Variants in GRIP2 observed in about 807,000 individuals in gnomAD.
The protein encoded by GRIP2 is glutamate receptor interacting protein 2.
GRIP2 carries 58 observed loss-of-function variants against 108.3 expected under a neutral mutation model. That is an observed-to-expected ratio of 0.54 (90% confidence interval 0.43 to 0.67). The LOEUF (loss-of-function observed/expected upper bound fraction) is 0.67, where lower values mean the gene tolerates loss of function less well. Among genes scored for constraint, GRIP2 ranks in the 30% least tolerant of loss-of-function variants. The pLI is 0.00. For missense variants in GRIP2, 1,278 were observed against 1,430.6 expected (o/e 0.89, Z 1.72); for synonymous variants, 586 against 598.2 (o/e 0.98, Z 0.30).
the GRIP2 span, among the ~76,000 whole-genome samples, chr3:14,586,195 T>A: frequency 6.6e-6 from 1 of 152,156 alleles, no homozygotes; most frequent in African/African-American, 2.4e-5. Flanking sequence ...TAGAAGGCCC[T>A]CCCTGACTAC....
At position 14,512,603 on chromosome 3, in the gene GRIP2, C is replaced by T. The variant is rs1043736987; in HGVS notation, c.1720+174G>A. On this transcript the variant is annotated intron_variant, in intron 14 of 23. Coordinates refer to ENST00000621039, the MANE Select transcript of GRIP2 (RefSeq NM_001080423.4). This position sits in a 1 kb window ranked among gnomAD's most constrained non-coding sequence, Gnocchi z 5.1. Reference sequence around the variant, plus strand: ...CTGAAGCTTTGGGAAGCTGGGGTCTCGCTGAGAACACGCAGCTGGGTCCAC... The same window carrying T: ...CTGAAGCTTTGGGAAGCTGGGGTCTTGCTGAGAACACGCAGCTGGGTCCAC... 6.6e-6 allele frequency among the ~76,000 whole-genome samples: 1 copy of T among 152,198 alleles called. No homozygotes were observed. Among genetic ancestry groups the T allele is most frequent in the East Asian group, 1.9e-4 (1 of 5,190 alleles).
intron 5 of GRIP2, 42 bp from the exon 6 acceptor site, chr3:14,523,117 C>A (rs781716564): frequency 1.3e-6 from 2 of 1,483,752 alleles, no homozygotes; most frequent in Non-Finnish European, 1.8e-6. Flanking sequence ...TCCACCCACC[C>A]CTTCCCATCC....
At chr3:14,544,764 C>T (rs574098934), upstream of GRIP2, among the ~76,000 whole-genome samples, 10 of 152,362 alleles carry the variant, frequency 6.6e-5, no homozygotes, top group Non-Finnish European at 1.0e-4. Flanking sequence ...TGTTGTTAAA[C>T]ATTTCAGCCA....
chr3:14,528,383 T>C (rs1694619611), intron 1 of GRIP2, among the ~76,000 whole-genome samples: 1 of 152,230 alleles, frequency 6.6e-6, no homozygotes, highest in African/African-American at 2.4e-5. Context: ...GAACATAAGT[T>C]TCTGTTTCAT....
the GRIP2 span, among the ~76,000 whole-genome samples, chr3:14,567,541 G>A: frequency 1.3e-5 from 2 of 152,272 alleles, no homozygotes; most frequent in East Asian, 3.9e-4. Context: ...CAGGGACAAG[G>A]AAAACCAGGG....
At chr3:14,506,701 C>G (rs1693936910) in intron 19 of GRIP2, 100 bp downstream of exon 19, 5 of 1,174,192 alleles carry the variant, frequency 4.3e-6, no homozygotes, top group Non-Finnish European at 5.8e-6. Context: ...GAGAGGAGCG[C>G]AGGAGGGAGG....
At chr3:14,598,147 G>A in the GRIP2 span, among the ~76,000 whole-genome samples, 1 of 150,854 alleles carries the variant, frequency 6.6e-6, no homozygotes, top group South Asian at 2.1e-4. Flanking sequence ...ACACACACAG[G>A]ACCTGGGGCA....
chr3:14,517,272 CAG>C, intron 10 of GRIP2, 59 bp from the exon 11 acceptor site: 2 of 1,471,912 alleles, frequency 1.4e-6, no homozygotes, highest in Non-Finnish European at 1.8e-6. Context: ...CCCCACCACA[CAG>C]TGGGTGCTGG....
At chr3:14,518,925 G>A (rs1694331140) in intron 9 of GRIP2, among the ~76,000 whole-genome samples, 1 of 152,234 alleles carries the variant, frequency 6.6e-6, no homozygotes, top group African/African-American at 2.4e-5. Context: ...GCTTAGAGCA[G>A]TGCCTGGCAC....
chr3:14,511,134 T>G lies in GRIP2; in HGVS notation c.1933+31A>C. Reference sequence around the variant, plus strand: ...ACCCGCTAGTCAAAGGGTGGGCCTCTGGAGGTAGGAGGCCAGCATGAGGGC... The same window carrying G: ...ACCCGCTAGTCAAAGGGTGGGCCTCGGGAGGTAGGAGGCCAGCATGAGGGC... On this transcript the variant is annotated intron_variant, in intron 16 of 23. Coordinates refer to ENST00000621039, the MANE Select transcript of GRIP2 (RefSeq NM_001080423.4). This position sits in a 1 kb window ranked among gnomAD's most constrained non-coding sequence, Gnocchi z 4.1. 6.2e-7 allele frequency: 1 copy of G among 1,611,476 alleles called. No individual in the cohort carries two copies. The highest frequency in any genetic ancestry group is 8.5e-7 in the Non-Finnish European group (1 of 1,178,562).
At chr3:14,579,833 G>A in the GRIP2 span, among the ~76,000 whole-genome samples, 44 of 152,308 alleles carry the variant, frequency 2.9e-4, no homozygotes, top group Non-Finnish European at 5.0e-4. Flanking sequence ...GGGCTGAGAG[G>A]AGCAGCCTCC....
chr3:14,497,618 C>T (rs988326760), intron 21 of GRIP2, among the ~76,000 whole-genome samples: 1 of 152,160 alleles, frequency 6.6e-6, no homozygotes, highest in African/African-American at 2.4e-5. Context: ...CAGCAGGGAG[C>T]CCCTGAAGGA....
rs375594941 is a variant in GRIP2 at position 14,514,430 on chromosome 3, G to A, written c.1355C>T (p.Thr452Met). The A allele has an allele frequency of 8.2e-6, 13 of 1,577,836 alleles. No homozygotes were observed. The highest frequency in any genetic ancestry group is 4.0e-5 in the African/African-American group (3 of 74,194). The change falls in exon 12 of 24, where the codon ACG becomes ATG. Residue 452 changes from threonine to methionine, a missense_variant. Coordinates refer to ENST00000621039, the MANE Select transcript of GRIP2 (RefSeq NM_001080423.4). ...ACAGAGCACGACCTCCGTGGTCTCC[G>A]TGTGCACAATCTGCCCGCCCGGCCC... ...TVGPGGQIVH[T>M]ETTEVVLCGD...
rs1701266940 is a variant in GRIP2, at chr3:14,489,260, A to G, written c.*4405T>C. 6.6e-6 allele frequency: 1 copy of G among 152,554 alleles called. No homozygotes were observed. Among genetic ancestry groups the G allele is most frequent in the Admixed American group, 6.5e-5 (1 of 15,276 alleles). The allele number at this position is 152,554 out of a possible 1,614,324, so 9.5% of individuals were successfully genotyped here. ...TTTTGCTTTTTAGATAAATATGTAT[A>G]TCAATATTTTAAATTCATCTTTGCT... On this transcript the variant is annotated 3_prime_UTR_variant, in exon 24 of 24. Coordinates refer to ENST00000621039, the MANE Select transcript of GRIP2 (RefSeq NM_001080423.4).
At chr3:14,573,193 C>T in the GRIP2 span, 3 of 1,413,482 alleles carry the variant, frequency 2.1e-6, no homozygotes, top group Non-Finnish European at 3.0e-6. Flanking sequence ...CAGGGCCGCT[C>T]CAGGATCTGC....
intron 1 of GRIP2, among the ~76,000 whole-genome samples, chr3:14,549,602 T>C (rs891548398): frequency 5.3e-5 from 8 of 152,212 alleles, no homozygotes; most frequent in Non-Finnish European, 5.9e-5. Flanking sequence ...ACAGACATCC[T>C]CTACGCCCAA....
In GRIP2 at chr3:14,523,199, A is replaced by G. The variant is rs1006633575; in HGVS notation, c.491-124T>C. ...TTTGAGGACCTTGTCCTTGCTATCC[A>G]TGGACCCTCTTATGAGACACCAACA... On this transcript the variant is annotated intron_variant, in intron 5 of 23. Coordinates refer to ENST00000621039, the MANE Select transcript of GRIP2 (RefSeq NM_001080423.4). The G allele has an allele frequency of 1.2e-5, 9 of 721,124 alleles. No homozygotes were observed. In the Admixed American group the frequency reaches 1.6e-4, roughly 13 times the overall value. The allele number at this position is 721,124 out of a possible 1,614,324, so 44.7% of individuals were successfully genotyped here.
intron 1 of GRIP2, among the ~76,000 whole-genome samples, chr3:14,553,909 G>A (rs1400083961): frequency 6.6e-6 from 1 of 152,172 alleles, no homozygotes; most frequent in African/African-American, 2.4e-5. Context: ...GGTCGGGCAG[G>A]AGCCTGGCTC....
the GRIP2 span, among the ~76,000 whole-genome samples, chr3:14,600,760 TA>T: frequency 6.6e-6 from 1 of 152,338 alleles, no homozygotes; most frequent in East Asian, 1.9e-4. Flanking sequence ...TTTGCCTTTT[TA>T]AAATAGTAAT....
Sources: allele counts gnomAD v4.1 joint callset (sites outside exome capture counted in the v4.1 genomes callset), GRCh38; gene constraint gnomAD v4.1.1; non-coding constraint Gnocchi (gnomAD v3.1); transcripts MANE v1.5; gene names NCBI Gene and HGNC (gene_info 2026-07-23, HGNC 2026-07-21).